Variants in TRPS1 observed in about 807,000 individuals in gnomAD.
TRPS1 encodes the protein zinc finger transcription factor Trps1.
TRPS1 carries 6 observed loss-of-function variants against 101.2 expected under a neutral mutation model. The ratio of observed to expected loss-of-function variants is 0.06; its 90% CI spans 0.03 to 0.12. The LOEUF is 0.12. TRPS1 is among the 10% of genes least tolerant of loss of function. TRPS1 has a pLI of 1.00. For synonymous variants in TRPS1, 578 were observed against 589.8 expected (o/e 0.98, Z 0.29); for missense variants, 1,363 against 1,567.0 (o/e 0.87, Z 2.20).
chr8:115,625,882 T>G (rs920378769), intron 1 of TRPS1, among the ~76,000 whole-genome samples: 2 of 151,876 alleles, frequency 1.3e-5, no homozygotes, highest in Non-Finnish European at 2.9e-5. Context: ...GTTCTTATTT[T>G]CATAATATGT....
intron 5 of TRPS1, among the ~76,000 whole-genome samples, chr8:115,463,831 G>C (rs1814250396): frequency 6.6e-6 from 1 of 151,938 alleles, no homozygotes; most frequent in East Asian, 1.9e-4. Flanking sequence ...TAGAAATGTA[G>C]TGTTAACCAC....
intron 5 of TRPS1, among the ~76,000 whole-genome samples, chr8:115,456,733 C>T (rs1458122802): frequency 1.3e-5 from 2 of 151,790 alleles, no homozygotes; most frequent in African/African-American, 4.8e-5. Context: ...CTATTTTACT[C>T]CCCCCCAAAA....
At chr8:115,615,941 T>A (rs1818268032) in intron 3 of TRPS1, among the ~76,000 whole-genome samples, 1 of 152,206 alleles carries the variant, frequency 6.6e-6, no homozygotes, top group African/African-American at 2.4e-5. Flanking sequence ...GCATGACAAC[T>A]GATAGAACAT....
At chr8:115,663,167 T>G (rs934022547) in intron 1 of TRPS1, among the ~76,000 whole-genome samples, 8 of 151,340 alleles carry the variant, frequency 5.3e-5, no homozygotes, top group African/African-American at 1.9e-4. Flanking sequence ...AGATTTTTAA[T>G]AACAGATTGA....
intron 1 of TRPS1, among the ~76,000 whole-genome samples, chr8:115,661,973 T>C (rs536529492): frequency 6.6e-6 from 1 of 152,172 alleles, no homozygotes; most frequent in South Asian, 2.1e-4. Context: ...ACATGAAATG[T>C]ATGTTTGAAA....
chr8:115,661,387 A>C (rs1340754642), intron 1 of TRPS1, among the ~76,000 whole-genome samples: 3 of 152,038 alleles, frequency 2.0e-5, no homozygotes, highest in Non-Finnish European at 4.4e-5. Flanking sequence ...ATCGGTCTAC[A>C]TACATTCCAC....
intron 5 of TRPS1, among the ~76,000 whole-genome samples, chr8:115,452,497 T>C (rs912565152): frequency 5.9e-5 from 9 of 152,190 alleles, no homozygotes; most frequent in African/African-American, 1.7e-4. Context: ...TTGAAAGAAA[T>C]GGTATGTCAA....
chr8:115,663,385 A>C (rs1157717541), intron 1 of TRPS1, among the ~76,000 whole-genome samples: 1 of 152,088 alleles, frequency 6.6e-6, no homozygotes, highest in Non-Finnish European at 1.5e-5. Flanking sequence ...TAAAGAAAAC[A>C]AGAAAGAGAG....
intron 3 of TRPS1, among the ~76,000 whole-genome samples, chr8:115,618,228 T>C (rs544612493): frequency 1.3e-5 from 2 of 152,274 alleles, no homozygotes; most frequent in South Asian, 2.1e-4. Context: ...GGCCTTATAA[T>C]ACAATAAAAA....
At chr8:115,479,508 GA>G (rs1814697743) in intron 5 of TRPS1, among the ~76,000 whole-genome samples, 1 of 152,048 alleles carries the variant, frequency 6.6e-6, no homozygotes, top group Non-Finnish European at 1.5e-5. Context: ...TGATCAGTGG[GA>G]AAAAACAAGT....
At chr8:115,645,428 C>T (rs1380433386) in intron 1 of TRPS1, among the ~76,000 whole-genome samples, 1 of 152,070 alleles carries the variant, frequency 6.6e-6, no homozygotes, top group Non-Finnish European at 1.5e-5. Flanking sequence ...AGGATATATT[C>T]CACATAATCA....
intron 5 of TRPS1, chr8:115,509,753 C>T (rs545294660): frequency 6.6e-6 from 1 of 152,058 alleles, no homozygotes; most frequent in Non-Finnish European, 1.5e-5. Flanking sequence ...TCTTTGGATT[C>T]TCTCTCACTC....
intron 5 of TRPS1, among the ~76,000 whole-genome samples, chr8:115,429,754 T>C (rs1813274491): frequency 6.6e-6 from 1 of 152,172 alleles, no homozygotes; most frequent in Admixed American, 6.5e-5. Context: ...CAACTTTATT[T>C]TCCCCTGCCT....
chr8:115,431,209 T>G (rs2129830104), intron 5 of TRPS1, among the ~76,000 whole-genome samples: 1 of 152,168 alleles, frequency 6.6e-6, no homozygotes, highest in Admixed American at 6.5e-5. Context: ...TCTCTTAATT[T>G]CAGAAGAGAT....
intron 5 of TRPS1, among the ~76,000 whole-genome samples, chr8:115,487,819 T>C (rs1005340534): frequency 1.3e-5 from 2 of 152,202 alleles, no homozygotes; most frequent in Admixed American, 6.5e-5. Flanking sequence ...AGAAGAAATC[T>C]AGTCCTAGTA....
At chr8:115,634,540 T>A (rs934342009) in intron 1 of TRPS1, among the ~76,000 whole-genome samples, 21 of 152,180 alleles carry the variant, frequency 1.4e-4, no homozygotes, top group African/African-American at 4.8e-4. Context: ...CCTGATTATT[T>A]CAAAAGCAAA....
Position 115,537,930 on chromosome 8 carries a change from G to C in TRPS1, c.2700+49071C>G, listed in dbSNP as rs530603407. ...ATTGCTTGGTGCTATGTTGACTACT[G>C]GGAATGAACCACAAGATACATCACT... On this transcript the variant is annotated intron_variant, in intron 5 of 6. Transcript: ENST00000395715. 2.6e-5 allele frequency among the ~76,000 whole-genome samples: 4 copies of C among 152,074 alleles called. No homozygotes were observed. The East Asian group carries it at 7.7e-4, about 29-fold the overall frequency.
intron 5 of TRPS1, among the ~76,000 whole-genome samples, chr8:115,471,635 T>C (rs1240367119): frequency 6.6e-6 from 1 of 151,974 alleles, no homozygotes; most frequent in East Asian, 1.9e-4. Flanking sequence ...AACCCAAAAG[T>C]CCAAGTCCAA....
intron 1 of TRPS1, among the ~76,000 whole-genome samples, chr8:115,627,556 G>A (rs906689694): frequency 6.6e-6 from 1 of 151,790 alleles, no homozygotes. Context: ...TGGTTATGAT[G>A]TGAATTGACA....
Sources: allele counts gnomAD v4.1 joint callset (sites outside exome capture counted in the v4.1 genomes callset), GRCh38; gene constraint gnomAD v4.1.1; transcripts MANE v1.5; gene names NCBI Gene and HGNC (gene_info 2026-07-23, HGNC 2026-07-21).